Variants in CDH18 observed in about 807,000 individuals in gnomAD.
CDH18 encodes cadherin-18.
Under a neutral mutation model 67.9 loss-of-function variants are expected in CDH18, and 31 were observed. The ratio of observed to expected loss-of-function variants is 0.46; its 90% CI spans 0.34 to 0.62. The LOEUF is 0.62. CDH18 is among the 20% of genes least tolerant of loss of function. The pLI is 0.01. For synonymous variants in CDH18, 362 were observed against 347.2 expected, an observed-to-expected ratio of 1.04 and a Z score of -0.48; for missense variants, 890 against 975.5, an observed-to-expected ratio of 0.91 and a Z score of 1.17.
chr5:19,956,253 G>C (rs1796245943), intron 2 of CDH18, among the ~76,000 whole-genome samples: 1 of 151,864 alleles, frequency 6.6e-6, no homozygotes, highest in African/African-American at 2.4e-5. Context: ...ATTAACCTTG[G>C]TTTACTTCTT....
intron 1 of CDH18, among the ~76,000 whole-genome samples, chr5:20,457,979 A>G (rs1279903445): frequency 6.6e-6 from 1 of 152,218 alleles, no homozygotes; most frequent in Non-Finnish European, 1.5e-5. Context: ...TCAGTTGACT[A>G]AGAAAATTAT....
rs1491135653 is a variant in CDH18 at position 19,994,828 on chromosome 5, GAA to G, written c.-517-2816_-517-2815del. Among the ~76,000 whole-genome samples, 109 of 28,658 alleles carry G rather than the reference GAA, an allele frequency of 3.8e-3. 4 individuals carry two copies. The highest frequency in any genetic ancestry group is 0.016 in the African/African-American group (102 of 6,556). The allele number at this position is 28,658 out of a possible 152,430, so 18.8% of individuals were successfully genotyped here. ...GTGTCTCTGTGTGTATATATAAAGA[GAA>G]TATATATATATATATATATATATAT... On this transcript the variant is annotated intron_variant, in intron 2 of 14. Coordinates refer to the CDH18 transcript ENST00000507958.
chr5:20,566,960 C>G (rs1311702234), intron 1 of CDH18, among the ~76,000 whole-genome samples: 4 of 152,084 alleles, frequency 2.6e-5, no homozygotes, highest in African/African-American at 7.2e-5. Context: ...GCCAATTGTT[C>G]AATACTGTAT....
At chr5:20,462,644 T>A (rs1407662895) in intron 1 of CDH18, among the ~76,000 whole-genome samples, 2 of 152,202 alleles carry the variant, frequency 1.3e-5, no homozygotes, top group African/African-American at 4.8e-5. Flanking sequence ...TCAAAATATT[T>A]TAAAGTCATA....
chr5:20,297,047 T>C (rs771999606), intron 1 of CDH18, among the ~76,000 whole-genome samples: 21 of 152,194 alleles, frequency 1.4e-4, no homozygotes, highest in Middle Eastern at 6.9e-3. Flanking sequence ...CTATCTCCGA[T>C]CTAACTAGAA....
intron 2 of CDH18, among the ~76,000 whole-genome samples, chr5:20,148,520 T>C (rs1750848081): frequency 6.6e-6 from 1 of 152,160 alleles, no homozygotes; most frequent in South Asian, 2.1e-4. Context: ...GCTGGGACCA[T>C]CAGCATTCAT....
chr5:20,236,016 C>G (rs2136113), intron 2 of CDH18, among the ~76,000 whole-genome samples: 106,561 of 151,936 alleles, frequency 0.7, 38,024 homozygotes, highest in African/African-American at 0.85. Context: ...TCACTTACAA[C>G]TGAAAGCTAA....
chr5:20,167,350 T>C (rs1439565919), intron 2 of CDH18, among the ~76,000 whole-genome samples: 2 of 152,094 alleles, frequency 1.3e-5, no homozygotes, highest in African/African-American at 2.4e-5. Flanking sequence ...TTTTGCTTTT[T>C]AAGATCGGGA....
At chr5:20,069,503 C>A (rs1267626641) in intron 2 of CDH18, among the ~76,000 whole-genome samples, 1 of 152,066 alleles carries the variant, frequency 6.6e-6, no homozygotes, top group African/African-American at 2.4e-5. Context: ...ACCTCCACCT[C>A]CCGGGTTCAA....
chr5:19,545,317 T>G (rs1736127082), intron 8 of CDH18, among the ~76,000 whole-genome samples: 1 of 152,160 alleles, frequency 6.6e-6, no homozygotes, highest in Non-Finnish European at 1.5e-5. Flanking sequence ...AACAAATCTA[T>G]GTCAATGTGG....
At chr5:19,492,954 T>C (rs1486123632) in intron 11 of CDH18, among the ~76,000 whole-genome samples, 5 of 152,184 alleles carry the variant, frequency 3.3e-5, no homozygotes, top group African/African-American at 1.2e-4. Flanking sequence ...CATTAGTATG[T>C]TCTCATGAGT....
At chr5:19,646,789 G>A (rs557769301) in intron 5 of CDH18, among the ~76,000 whole-genome samples, 2 of 152,148 alleles carry the variant, frequency 1.3e-5, no homozygotes, top group Non-Finnish European at 2.9e-5. Context: ...TGCTAATACA[G>A]GGGATGGATT....
At chr5:20,527,723 C>A (rs1009272832) in intron 1 of CDH18, among the ~76,000 whole-genome samples, 7 of 152,050 alleles carry the variant, frequency 4.6e-5, no homozygotes, top group African/African-American at 1.7e-4. Flanking sequence ...GGGATTTTGT[C>A]ACCACCAGGC....
intron 6 of CDH18, 70 bp from the exon 7 acceptor site, chr5:19,591,314 A>T (rs1000316882): frequency 1.3e-5 from 15 of 1,116,838 alleles, no homozygotes; most frequent in Admixed American, 2.7e-5. Context: ...GAAAAAATAA[A>T]TATTTAGAGC....
intron 5 of CDH18, among the ~76,000 whole-genome samples, chr5:19,703,650 G>A (rs1388801967): frequency 6.6e-6 from 1 of 152,058 alleles, no homozygotes; most frequent in African/African-American, 2.4e-5. Context: ...ATTCAGCCAG[G>A]AATTTAGCAA....
intron 6 of CDH18, among the ~76,000 whole-genome samples, chr5:19,594,299 G>A (rs750249256): frequency 1.4e-4 from 21 of 151,826 alleles, no homozygotes; most frequent in South Asian, 2.1e-4. Flanking sequence ...TTACAGGCCC[G>A]CACCACCACA....
chr5:20,198,270 G>A (rs1469910316), intron 2 of CDH18, among the ~76,000 whole-genome samples: 2 of 152,068 alleles, frequency 1.3e-5, no homozygotes, highest in Non-Finnish European at 2.9e-5. Context: ...AGAAAGATGT[G>A]GGAAAGTTTG....
At chr5:19,970,920 C>A (rs1306536958) in intron 2 of CDH18, among the ~76,000 whole-genome samples, 2 of 151,620 alleles carry the variant, frequency 1.3e-5, no homozygotes, top group African/African-American at 4.8e-5. Flanking sequence ...AAGAATATCT[C>A]CATTGGAGAC....
intron 5 of CDH18, among the ~76,000 whole-genome samples, chr5:19,640,283 A>C (rs778795038): frequency 1.3e-5 from 2 of 152,174 alleles, no homozygotes; most frequent in Non-Finnish European, 2.9e-5. Context: ...AAATCTATTA[A>C]TAGATACACA....
Sources: gnomAD v4.1 joint callset for allele counts (sites outside exome capture counted in the v4.1 genomes callset) on GRCh38, gnomAD v4.1.1 for gene constraint, MANE v1.5 for transcripts, NCBI Gene and HGNC (gene_info 2026-07-23, HGNC 2026-07-21) for gene names.